CHST15: variants seen among roughly 807,000 people sequenced by gnomAD.
The protein encoded by CHST15 is B cell RAG associated protein (GALNAC4S-6ST).
CHST15 carries 30 observed loss-of-function variants against 53.6 expected under a neutral mutation model. The observed-to-expected ratio is 0.56, with a 90% CI of 0.42 to 0.76. CHST15 has a LOEUF of 0.76. Ranked by LOEUF, CHST15 falls within the 30% of genes least tolerant of loss-of-function variation. The probability of loss-of-function intolerance (pLI) is 0.00; values close to 1 mark genes in which losing one functional copy is unlikely to be tolerated. For missense variants in CHST15, 627 were observed against 740.5 expected, an observed-to-expected ratio of 0.85 and a Z score of 1.78; for synonymous variants, 296 against 289.8, an observed-to-expected ratio of 1.02 and a Z score of -0.22.
In CHST15 at chr10:124,074,875, C is replaced by T. The variant is rs2134178042; in HGVS notation, c.-513+18594G>A. Among the ~76,000 whole-genome samples, 1 of 152,326 alleles carries T rather than the reference C, an allele frequency of 6.6e-6. No individual in the cohort carries two copies. The highest frequency in any genetic ancestry group is 1.5e-5 in the Non-Finnish European group (1 of 68,030). On this transcript the variant is annotated intron_variant, in intron 1 of 7. Coordinates refer to ENST00000435907, the MANE Select transcript of CHST15 (RefSeq NM_001270764.2). This position sits in a 1 kb window ranked among gnomAD's most constrained non-coding sequence, Gnocchi z 4.4. ...GACTTTCCTTTTGAATGCGGCTGTGCTAGGCAGTGGGGTGCAGTGTGTGGA... is the reference window on the plus strand; with the variant it reads ...GACTTTCCTTTTGAATGCGGCTGTGTTAGGCAGTGGGGTGCAGTGTGTGGA...
chr10:124,012,302 T>C (rs1302853383), intron 7 of CHST15, 31 bp downstream of exon 7: 2 of 1,598,480 alleles, frequency 1.3e-6, no homozygotes, highest in Admixed American at 3.4e-5. Flanking sequence ...GCTCATGCTT[T>C]GGCCCGTCAG....
chr10:124,017,109 T>C (rs1946612767), intron 6 of CHST15, among the ~76,000 whole-genome samples: 1 of 152,104 alleles, frequency 6.6e-6, no homozygotes, highest in African/African-American at 2.4e-5. Context: ...ACGTGCATAT[T>C]AGATATTAGC....
chr10:124,080,066 G>A (rs1949188507), intron 1 of CHST15, among the ~76,000 whole-genome samples: 1 of 152,192 alleles, frequency 6.6e-6, no homozygotes. Context: ...GGGATGTTGG[G>A]GTTTTGCTTT....
chr10:124,038,353 A>G (rs1590236029), intron 5 of CHST15, among the ~76,000 whole-genome samples, 162 bp downstream of exon 5: 1 of 151,342 alleles, frequency 6.6e-6, no homozygotes. Context: ...CGATCCACCC[A>G]CCCCGGCCTC....
chr10:124,048,769 A>C (rs1948088706), intron 1 of CHST15, among the ~76,000 whole-genome samples: 1 of 152,212 alleles, frequency 6.6e-6, no homozygotes, highest in South Asian at 2.1e-4. Flanking sequence ...AAATCGAATT[A>C]GATTCTTTAA....
intron 1 of CHST15, among the ~76,000 whole-genome samples, chr10:124,068,431 G>C (rs1948814898): frequency 6.6e-6 from 1 of 152,190 alleles, no homozygotes; most frequent in South Asian, 2.1e-4. Context: ...ATCGTTGGCA[G>C]TGCTCCTCAT....
chr10:124,049,014 G>T (rs1948098666), intron 1 of CHST15, among the ~76,000 whole-genome samples: 1 of 152,164 alleles, frequency 6.6e-6, no homozygotes, highest in South Asian at 2.1e-4. Context: ...GCCTCTGCGA[G>T]TCCCGCTTCC....
At chr10:124,033,847 G>T (rs1245842890) in intron 5 of CHST15, among the ~76,000 whole-genome samples, 1 of 152,206 alleles carries the variant, frequency 6.6e-6, no homozygotes, top group Non-Finnish European at 1.5e-5. Context: ...ACAGCCTCAT[G>T]AGAGACCTTA....
intron 1 of CHST15, among the ~76,000 whole-genome samples, chr10:124,069,440 C>T (rs1948845964): frequency 6.6e-6 from 1 of 152,046 alleles, no homozygotes; most frequent in African/African-American, 2.4e-5. Flanking sequence ...AGTAACATTG[C>T]AAGAATCATC....
intron 1 of CHST15, among the ~76,000 whole-genome samples, chr10:124,067,986 C>A (rs4073218): frequency 0.63 from 95,641 of 152,024 alleles, 30,247 homozygotes; most frequent in South Asian, 0.77. Context: ...GTTGTGTCTG[C>A]GGGTGCAAAG....
At chr10:124,043,419 T>C (rs895543433) in intron 3 of CHST15, among the ~76,000 whole-genome samples, 2 of 152,224 alleles carry the variant, frequency 1.3e-5, no homozygotes, top group Admixed American at 6.5e-5. Flanking sequence ...TAGCTCACTG[T>C]AGGACGAACA....
At chr10:124,069,318 G>A (rs1809022573) in intron 1 of CHST15, among the ~76,000 whole-genome samples, 1 of 152,198 alleles carries the variant, frequency 6.6e-6, no homozygotes, top group Non-Finnish European at 1.5e-5. Flanking sequence ...ATATAGCCAG[G>A]AAATTCAAGA....
At chr10:124,075,488 C>T (rs1287753818) in intron 1 of CHST15, among the ~76,000 whole-genome samples, 2 of 152,194 alleles carry the variant, frequency 1.3e-5, no homozygotes, top group African/African-American at 4.8e-5. Flanking sequence ...TCTCCAGTGA[C>T]CTCTGTACAA....
At chr10:124,067,085 A>G (rs752540077) in intron 1 of CHST15, among the ~76,000 whole-genome samples, 2 of 152,236 alleles carry the variant, frequency 1.3e-5, no homozygotes, top group Non-Finnish European at 2.9e-5. Context: ...GTCGCACCCC[A>G]GACTCCACAT....
At chr10:124,090,346 G>A (rs1949567818) in intron 1 of CHST15, among the ~76,000 whole-genome samples, 1 of 152,180 alleles carries the variant, frequency 6.6e-6, no homozygotes. Flanking sequence ...GTGCTCACCT[G>A]TTCAGGACAG....
At chr10:124,043,571 G>C (rs1056872006) in intron 3 of CHST15, among the ~76,000 whole-genome samples, 2 of 152,206 alleles carry the variant, frequency 1.3e-5, no homozygotes, top group African/African-American at 4.8e-5. Flanking sequence ...TTGACAATAG[G>C]CACGTATCAC....
intron 5 of CHST15, among the ~76,000 whole-genome samples, chr10:124,030,207 C>T (rs906885261): frequency 1.3e-5 from 2 of 152,188 alleles, no homozygotes; most frequent in Non-Finnish European, 2.9e-5. Context: ...GTCCTTCTGG[C>T]CTGGGCGCTG....
rs1473374004 is a variant in CHST15, at chr10:124,009,310, C to T, written c.*839G>A. ...TTATAAACTGAAGTTCTTGAGAAAACGTATGAAGAGGCAGCAGAGAGAGAG... is the reference window on the plus strand; with the variant it reads ...TTATAAACTGAAGTTCTTGAGAAAATGTATGAAGAGGCAGCAGAGAGAGAG... On this transcript the variant is annotated 3_prime_UTR_variant, in exon 8 of 8. Transcript: ENST00000435907. 1.1e-5 allele frequency: 12 copies of T among 1,085,250 alleles called. No homozygotes were observed. Among genetic ancestry groups the T allele is most frequent in the East Asian group, 7.2e-5 (1 of 13,940 alleles). 67.2% of individuals were successfully genotyped at this position (1,085,250 alleles called of 1,614,324 possible). A position where few individuals can be genotyped will look rare whatever the true frequency, so the allele number is the denominator to read the frequency against.
rs1947768438 is a variant in CHST15 at position 124,042,289 on chromosome 10, C to CATT, written c.1033+11_1033+12insAAT. 1 of 1,604,834 alleles carries CATT rather than the reference C, an allele frequency of 6.2e-7. No homozygotes were observed. Among genetic ancestry groups the CATT allele is most frequent in the African/African-American group, 1.3e-5 (1 of 74,884 alleles). Reference sequence around the variant, plus strand: ...GGGTGCTAGCCCTGCCAGAGTGACACAGACGCCTTACCGATAATGATTGTA... The same window carrying CATT: ...GGGTGCTAGCCCTGCCAGAGTGACACATTAGACGCCTTACCGATAATGATTGTA... On this transcript the variant is annotated intron_variant, in intron 4 of 7. Transcript: ENST00000435907.
Sources: allele counts gnomAD v4.1 joint callset (sites outside exome capture counted in the v4.1 genomes callset), GRCh38; gene constraint gnomAD v4.1.1; non-coding constraint Gnocchi (gnomAD v3.1); transcripts MANE v1.5; gene names NCBI Gene and HGNC (gene_info 2026-07-23, HGNC 2026-07-21).